SLC14A1: variants seen among roughly 807,000 people sequenced by gnomAD.
The protein encoded by SLC14A1 is solute carrier family 14 member 1 (Kidd blood group).
Under a neutral mutation model 39.6 loss-of-function variants are expected in SLC14A1, and 36 were observed. That is an observed-to-expected ratio of 0.91 (90% CI 0.70 to 1.20). The LOEUF is 1.20. SLC14A1 is among the 50% of genes most tolerant of loss of function. SLC14A1 has a pLI of 0.00. For missense variants in SLC14A1, 469 were observed against 478.7 expected (o/e 0.98, Z 0.19); for synonymous variants, 164 against 173.6 (o/e 0.94, Z 0.43).
intron 2 of SLC14A1, chr18:45,726,981 T>C (rs1282646692): frequency 3.1e-6 from 1 of 318,162 alleles, no homozygotes; most frequent in Non-Finnish European, 6.1e-6. Context: ...TGGGCATTGG[T>C]CCCTGTGTAG....
chr18:45,730,515 T>C (rs374823441), intron 3 of SLC14A1, 44 bp downstream of exon 3: 1 of 1,602,950 alleles, frequency 6.2e-7, no homozygotes, highest in Non-Finnish European at 8.5e-7. Context: ...GAAGTAGCTT[T>C]GGGGGAAATG....
At chr18:45,733,561 C>T (rs1260713535) in intron 4 of SLC14A1, among the ~76,000 whole-genome samples, 2 of 152,176 alleles carry the variant, frequency 1.3e-5, no homozygotes, top group Non-Finnish European at 2.9e-5. Context: ...GTTTCATATG[C>T]TAAAAGCGCT....
chr18:45,737,330 T>G (rs1051389377), intron 6 of SLC14A1: 2 of 152,702 alleles, frequency 1.3e-5, no homozygotes, highest in African/African-American at 2.4e-5. Context: ...AAAGAGATTC[T>G]GTATTTTTTA....
chr18:45,734,470 G>C (rs965751942), intron 5 of SLC14A1, 68 bp downstream of exon 5: 2 of 1,544,202 alleles, frequency 1.3e-6, no homozygotes, highest in Admixed American at 3.4e-5. Context: ...GGGAATGGGA[G>C]TTGTTATATG....
In SLC14A1 at chr18:45,751,786, AAATTAATT is replaced by A. The variant is rs10676479; in HGVS notation, c.*1856_*1863del. The A allele has an allele frequency of 2.4e-6, 2 of 831,442 alleles. No homozygotes were observed. The highest frequency in any genetic ancestry group is 1.4e-6 in the Non-Finnish European group (1 of 694,050). The allele number at this position is 831,442 out of a possible 1,614,324, so 51.5% of individuals were successfully genotyped here. ...GACCGAGCAAGACCCTATCTCAAAA[AAATTAATT>A]AATTAATTAATTAATTAATTTAAAA... On this transcript the variant is annotated 3_prime_UTR_variant, in exon 10 of 10. Transcript: ENST00000321925.
chr18:45,740,727 G>A (rs971693277), intron 8 of SLC14A1, among the ~76,000 whole-genome samples: 3 of 151,884 alleles, frequency 2.0e-5, no homozygotes, highest in African/African-American at 7.3e-5. Context: ...TTATAGAGAT[G>A]GGGTCTCCCT....
At chr18:45,730,547 T>A (rs1599255198) in intron 3 of SLC14A1, 76 bp downstream of exon 3, 1 of 1,472,158 alleles carries the variant, frequency 6.8e-7, no homozygotes, top group Admixed American at 1.7e-5. Context: ...CTTCTACTTA[T>A]ACCTTTAGTT....
chr18:45,728,463 G>A (rs1261088038), intron 2 of SLC14A1, among the ~76,000 whole-genome samples: 1 of 152,006 alleles, frequency 6.6e-6, no homozygotes, highest in Non-Finnish European at 1.5e-5. Flanking sequence ...TATCTCTTTG[G>A]GCTGCTTGTC....
chr18:45,742,033 T>C (rs1052026207), intron 8 of SLC14A1, among the ~76,000 whole-genome samples: 1 of 152,078 alleles, frequency 6.6e-6, no homozygotes, highest in Non-Finnish European at 1.5e-5. Flanking sequence ...AGTGTTACAA[T>C]AGAGGGCAGA....
At chr18:45,746,362 C>T (rs1007029681) in intron 8 of SLC14A1, among the ~76,000 whole-genome samples, 2 of 152,144 alleles carry the variant, frequency 1.3e-5, no homozygotes, top group Non-Finnish European at 2.9e-5. Context: ...TCCTACTTGG[C>T]GAGTCTTAAT....
In SLC14A1 at chr18:45,752,124, A is replaced by G. The variant is rs1360521979; in HGVS notation, c.*2173A>G. ...TTGCAACTGTCATAGGTTTATGGAT[A>G]TTGCTGTGGAGAAGCTCAATTTTCA... On this transcript the variant is annotated 3_prime_UTR_variant, in exon 10 of 10. Coordinates refer to ENST00000321925, the MANE Select transcript of SLC14A1 (RefSeq NM_015865.7). 1.0e-6 allele frequency: 1 copy of G among 985,324 alleles called. No individual in the cohort carries two copies. The highest frequency in any genetic ancestry group is 1.7e-5 in the African/African-American group (1 of 57,238). The allele number at this position is 985,324 out of a possible 1,614,324, so 61.0% of individuals were successfully genotyped here.
At chr18:45,727,366 G>A (rs1399531844) in intron 2 of SLC14A1, 40 of 1,551,450 alleles carry the variant, frequency 2.6e-5, no homozygotes, top group African/African-American at 4.1e-5. Flanking sequence ...GACGCAGCGC[G>A]CAGAGGCATC....
intron 8 of SLC14A1, 22 bp downstream of exon 8, chr18:45,739,684 G>A (rs2047301960): frequency 1.9e-6 from 3 of 1,613,926 alleles, no homozygotes; most frequent in Non-Finnish European, 8.5e-7. Context: ...ACGCCCCTGG[G>A]GGAGGGCTGC....
intron 8 of SLC14A1, among the ~76,000 whole-genome samples, chr18:45,746,972 T>G (rs958404059): frequency 6.6e-6 from 1 of 152,152 alleles, no homozygotes; most frequent in Non-Finnish European, 1.5e-5. Flanking sequence ...AATTCATACG[T>G]GAAAGAATTT....
At position 45,751,559 on chromosome 18, in the gene SLC14A1, C is replaced by T; in HGVS notation, c.*1608C>T. 2 of 971,896 alleles carry T rather than the reference C, an allele frequency of 2.1e-6. No individual in the cohort carries two copies. Among genetic ancestry groups the T allele is most frequent in the Non-Finnish European group, 1.2e-6 (1 of 817,818 alleles). The allele number at this position is 971,896 out of a possible 1,614,324, so 60.2% of individuals were successfully genotyped here. A position where few individuals can be genotyped will look rare whatever the true frequency, so the allele number is the denominator to read the frequency against. On this transcript the variant is annotated 3_prime_UTR_variant, in exon 10 of 10. Transcript: ENST00000321925. The stretch of plus-strand genomic sequence containing the variant: ...TTGGGAGATGGAGGTAAAAGGATCT[C>T]TTGAGCCCAGGAGTTCAAGACCAGC...
chr18:45,734,387 C>T lies in SLC14A1; in HGVS notation c.455C>T (p.Ala152Val). 1 of 1,613,238 alleles carries T rather than the reference C, an allele frequency of 6.2e-7. No individual in the cohort carries two copies. Among genetic ancestry groups the T allele is most frequent in the Non-Finnish European group, 8.5e-7 (1 of 1,179,790 alleles). The change falls in exon 5 of 10, where the codon GCT becomes GTT. Residue 152 changes from alanine (A) to valine (V), a missense_variant. Coordinates refer to ENST00000321925, the MANE Select transcript of SLC14A1 (RefSeq NM_015865.7). ...TGGTGGCTGTTACTCCCTGTATGTGCTATGTCCATGACTTGGTAAGTTACA... is the reference window on the plus strand; with the variant it reads ...TGGTGGCTGTTACTCCCTGTATGTGTTATGTCCATGACTTGGTAAGTTACA... ...YFWWLLLPVC[A>V]MSMTCPIFSS... is the part of the protein sequence containing the mutation.
At chr18:45,744,658 T>C (rs1398978324) in intron 8 of SLC14A1, among the ~76,000 whole-genome samples, 2 of 152,196 alleles carry the variant, frequency 1.3e-5, no homozygotes, top group Non-Finnish European at 2.9e-5. Context: ...TCTATGCTAG[T>C]AGGTACTCAA....
chr18:45,727,388 C>A (rs1372459839), intron 2 of SLC14A1: 2 of 1,550,106 alleles, frequency 1.3e-6, no homozygotes, highest in Admixed American at 2.0e-5. Context: ...CCCGGCTAAG[C>A]TTGGCCCTGG....
chr18:45,730,701 AG>A (rs2047004301), intron 3 of SLC14A1, among the ~76,000 whole-genome samples: 1 of 152,122 alleles, frequency 6.6e-6, no homozygotes, highest in Admixed American at 6.6e-5. Context: ...TTCATCCTGT[AG>A]TTTCAGTACT....
Sources: allele counts gnomAD v4.1 joint callset (sites outside exome capture counted in the v4.1 genomes callset), GRCh38; gene constraint gnomAD v4.1.1; transcripts MANE v1.5; gene names NCBI Gene and HGNC (gene_info 2026-07-23, HGNC 2026-07-21).